Variants in EFL1 observed in about 807,000 individuals in gnomAD.
The protein encoded by EFL1 is elongation factor-like GTPase 1.
EFL1 carries 76 observed loss-of-function variants against 126.7 expected under a neutral mutation model. That is an observed-to-expected ratio of 0.60 (90% CI 0.50 to 0.73). The LOEUF (loss-of-function observed/expected upper bound fraction) is 0.73. Among genes scored for constraint, EFL1 ranks in the 30% least tolerant of loss-of-function variants. The probability of loss-of-function intolerance (pLI) is 0.00; values close to 1 mark genes in which losing one functional copy is unlikely to be tolerated. For synonymous variants in EFL1, 410 were observed against 448.4 expected (o/e 0.91, Z 1.08); for missense variants, 1,128 against 1,343.2 (o/e 0.84, Z 2.50).
chr15:82,134,511 T>C (rs2073699118), intron 19 of EFL1, among the ~76,000 whole-genome samples: 1 of 152,184 alleles, frequency 6.6e-6, no homozygotes, highest in South Asian at 2.1e-4. Flanking sequence ...CCCTAGGCAT[T>C]AAGGGAAAAG....
intron 15 of EFL1, among the ~76,000 whole-genome samples, chr15:82,209,372 C>A (rs2074561123): frequency 6.7e-6 from 1 of 150,004 alleles, no homozygotes; most frequent in Admixed American, 6.7e-5. Flanking sequence ...ACACTGACTT[C>A]CTATTGACCC....
intron 2 of EFL1, among the ~76,000 whole-genome samples, chr15:82,260,103 C>T (rs1358694067): frequency 6.6e-6 from 1 of 152,106 alleles, no homozygotes; most frequent in African/African-American, 2.4e-5. Flanking sequence ...ATATAGAAGA[C>T]CTTCAGAAAA....
At chr15:82,131,006 C>A (rs537310457) in intron 19 of EFL1, among the ~76,000 whole-genome samples, 1 of 151,680 alleles carries the variant, frequency 6.6e-6, no homozygotes, top group South Asian at 2.1e-4. Flanking sequence ...CAGAGTGAGG[C>A]TCCAACTTAA....
chr15:82,200,501 T>C (rs550182622), intron 15 of EFL1, among the ~76,000 whole-genome samples: 20 of 152,312 alleles, frequency 1.3e-4, no homozygotes, highest in Admixed American at 9.8e-4. Context: ...TCTCCCCTCC[T>C]GTTGACTGGA....
intron 15 of EFL1, among the ~76,000 whole-genome samples, chr15:82,195,039 T>C (rs555791917): frequency 2.0e-5 from 3 of 152,370 alleles, no homozygotes; most frequent in South Asian, 4.1e-4. Context: ...ATTCAAATTA[T>C]TGTTATAATT....
chr15:82,177,292 T>C (rs988423939), intron 15 of EFL1, among the ~76,000 whole-genome samples: 1 of 152,346 alleles, frequency 6.6e-6, no homozygotes, highest in Admixed American at 6.5e-5. Context: ...CTGAGTCTTT[T>C]AGAGATGCTA....
intron 17 of EFL1, among the ~76,000 whole-genome samples, chr15:82,153,552 G>A (rs1427797910): frequency 6.6e-6 from 1 of 152,112 alleles, no homozygotes; most frequent in Non-Finnish European, 1.5e-5. Flanking sequence ...TTTTGTAGAA[G>A]AGAAAACCAG....
intron 16 of EFL1, among the ~76,000 whole-genome samples, chr15:82,161,720 T>C (rs1336743226): frequency 6.6e-6 from 1 of 152,236 alleles, no homozygotes; most frequent in African/African-American, 2.4e-5. Flanking sequence ...GAAGTACACT[T>C]TGGCCTACAA....
intron 15 of EFL1, among the ~76,000 whole-genome samples, chr15:82,185,212 T>TGC (rs896997562): frequency 3.0e-5 from 4 of 131,368 alleles, no homozygotes; most frequent in African/African-American, 1.3e-4. Flanking sequence ...TGTGTGTGTG[T>TGC]GTGCGTTCCT....
chr15:82,165,555 G>T (rs8032033), intron 15 of EFL1, among the ~76,000 whole-genome samples: 4 of 151,918 alleles, frequency 2.6e-5, no homozygotes, highest in Admixed American at 6.6e-5. Context: ...GAATATCTAC[G>T]GTCTGACAGC....
At chr15:82,231,020 T>A in intron 7 of EFL1, 49 bp from the exon 8 acceptor site, 1 of 1,590,040 alleles carries the variant, frequency 6.3e-7, no homozygotes, top group Non-Finnish European at 8.6e-7. Context: ...GATTATTGAT[T>A]TCTGTGACAG....
chr15:82,217,078 G>C (rs1336283382), intron 14 of EFL1, among the ~76,000 whole-genome samples: 1 of 151,950 alleles, frequency 6.6e-6, no homozygotes, highest in Non-Finnish European at 1.5e-5. Context: ...CACATTAAAA[G>C]AGTTATAAAG....
chr15:82,231,739 G>C (rs192143052), intron 7 of EFL1, among the ~76,000 whole-genome samples: 23 of 152,006 alleles, frequency 1.5e-4, no homozygotes, highest in Non-Finnish European at 2.9e-4. Flanking sequence ...ACAAGAAAAG[G>C]AAATAAAGGG....
Position 82,227,647 on chromosome 15 carries a change from A to G in EFL1, c.1070-75T>C. On this transcript the variant is annotated intron_variant, in intron 10 of 19. Coordinates refer to ENST00000268206, the MANE Select transcript of EFL1 (RefSeq NM_024580.6). Reference sequence around the variant, plus strand: ...AAGGCGAAGATTCACTGTATGCACTAAATATTGAGGTAACAAAGTCTGTCC... The same window carrying G: ...AAGGCGAAGATTCACTGTATGCACTGAATATTGAGGTAACAAAGTCTGTCC... 3 of 1,595,962 alleles carry G rather than the reference A, an allele frequency of 1.9e-6. No homozygotes were observed. In the South Asian group the frequency reaches 3.4e-5, roughly 18 times the overall value.
intron 14 of EFL1, 27 bp downstream of exon 14, chr15:82,219,625 T>C (rs750351043): frequency 5.0e-6 from 8 of 1,586,674 alleles, no homozygotes; most frequent in South Asian, 4.6e-5. Context: ...AGAAACAATA[T>C]ATAAATATTT....
At chr15:82,246,998 T>C (rs1163449265) in intron 4 of EFL1, among the ~76,000 whole-genome samples, 1 of 152,080 alleles carries the variant, frequency 6.6e-6, no homozygotes, top group East Asian at 1.9e-4. Flanking sequence ...GGTTAAAGTT[T>C]TGTTGGGAAA....
At chr15:82,135,763 T>G (rs2073714367) in intron 19 of EFL1, among the ~76,000 whole-genome samples, 1 of 152,226 alleles carries the variant, frequency 6.6e-6, no homozygotes, top group South Asian at 2.1e-4. Context: ...AAGTGATGTG[T>G]GCAAGATTCA....
chr15:82,137,950 C>A (rs1009313178), intron 19 of EFL1, among the ~76,000 whole-genome samples: 2 of 152,120 alleles, frequency 1.3e-5, no homozygotes, highest in Non-Finnish European at 2.9e-5. Context: ...CTTATCTTTG[C>A]CACTTGTTAT....
At chr15:82,147,795 C>T (rs2073864534) in intron 18 of EFL1, among the ~76,000 whole-genome samples, 1 of 151,964 alleles carries the variant, frequency 6.6e-6, no homozygotes, top group Non-Finnish European at 1.5e-5. Flanking sequence ...ATCTCAATGA[C>T]AGAAGAAGGA....
Sources: gnomAD v4.1 joint callset for allele counts (sites outside exome capture counted in the v4.1 genomes callset) on GRCh38, gnomAD v4.1.1 for gene constraint, MANE v1.5 for transcripts, NCBI Gene and HGNC (gene_info 2026-07-23, HGNC 2026-07-21) for gene names.